Variants in VPS26A observed in about 807,000 individuals in gnomAD.
VPS26A encodes vacuolar protein sorting-associated protein 26A.
VPS26A carries 22 observed loss-of-function variants against 42.4 expected under a neutral mutation model. The ratio of observed to expected loss-of-function variants is 0.52; its 90% CI spans 0.37 to 0.74. The LOEUF (loss-of-function observed/expected upper bound fraction) is 0.74, where lower values mean the gene tolerates loss of function less well. Among genes scored for constraint, VPS26A ranks in the 30% least tolerant of loss-of-function variants. The pLI is 0.00. For synonymous variants in VPS26A, 110 were observed against 123.5 expected (o/e 0.89, Z 0.73); for missense variants, 276 against 379.2 (o/e 0.73, Z 2.26).
chr10:69,152,796 C>T (rs1038106237), intron 2 of VPS26A, among the ~76,000 whole-genome samples: 1 of 151,754 alleles, frequency 6.6e-6, no homozygotes, highest in South Asian at 2.1e-4. Flanking sequence ...GGTGAAACCC[C>T]GTCTGTACTA....
At chr10:69,133,586 T>C (rs1447825832) in intron 2 of VPS26A, 8 of 1,289,742 alleles carry the variant, frequency 6.2e-6, no homozygotes, top group South Asian at 2.5e-5. Context: ...TGGTCAGATA[T>C]GTTTATGACG....
chr10:69,153,519 T>TC (rs1244458581), intron 2 of VPS26A, among the ~76,000 whole-genome samples: 1 of 151,334 alleles, frequency 6.6e-6, no homozygotes, highest in Non-Finnish European at 1.5e-5. Context: ...CTAATTTTTT[T>TC]TTTTTTTTTT....
intron 7 of VPS26A, among the ~76,000 whole-genome samples, chr10:69,166,314 C>T (rs1841686310): frequency 6.6e-6 from 1 of 152,160 alleles, no homozygotes; most frequent in Non-Finnish European, 1.5e-5. Context: ...TTTTCAGTTT[C>T]AATTTAGGAT....
intron 8 of VPS26A, 90 bp downstream of exon 8, chr10:69,168,721 G>A: frequency 6.8e-7 from 1 of 1,474,886 alleles, no homozygotes; most frequent in Admixed American, 2.4e-5. Flanking sequence ...TACTGAGCGA[G>A]TGGGAGTTTC....
At chr10:69,170,422 G>A in intron 8 of VPS26A, 1 of 145,316 alleles carries the variant, frequency 6.9e-6, no homozygotes. Flanking sequence ...ATTCTGATAT[G>A]TTGGGGAAAA....
chr10:69,128,481 C>T (rs934477384), intron 1 of VPS26A, among the ~76,000 whole-genome samples: 27 of 152,078 alleles, frequency 1.8e-4, no homozygotes, highest in African/African-American at 5.8e-4. Context: ...CCTCCTGCTT[C>T]GGCCTCCCAA....
rs566541314 is a variant in VPS26A, at chr10:69,173,854, G to A, written c.*2585G>A. 3.3e-4 allele frequency among the ~76,000 whole-genome samples: 51 copies of A among 152,240 alleles called. No individual in the cohort carries two copies. Among genetic ancestry groups the A allele is most frequent in the Admixed American group, 2.7e-3 (41 of 15,292 alleles). On this transcript the variant is annotated 3_prime_UTR_variant, in exon 9 of 9. Transcript: ENST00000263559. ...CATCTCTACCAAAAATGCATTAGTC[G>A]GGCGTGGTGGCACATGCCTGTAATC...
At position 69,172,638 on chromosome 10, in the gene VPS26A, A is replaced by G. The variant is rs191317281; in HGVS notation, c.*1369A>G. 6.6e-6 allele frequency: 1 copy of G among 152,436 alleles called. No homozygotes were observed. Among genetic ancestry groups the G allele is most frequent in the African/African-American group, 2.4e-5 (1 of 41,278 alleles). 9.4% of individuals were successfully genotyped at this position (152,436 alleles called of 1,614,324 possible). ...CTGGCAAAAGGGTCCATGTACCACCATGTGCTGGAGCATCTGTTCTACATG... is the reference window on the plus strand; with the variant it reads ...CTGGCAAAAGGGTCCATGTACCACCGTGTGCTGGAGCATCTGTTCTACATG... On this transcript the variant is annotated 3_prime_UTR_variant, in exon 9 of 9. Coordinates refer to ENST00000263559, the MANE Select transcript of VPS26A (RefSeq NM_004896.5).
intron 2 of VPS26A, 113 bp downstream of exon 2, chr10:69,133,160 T>C (rs1401954861): frequency 1.8e-6 from 2 of 1,139,694 alleles, no homozygotes; most frequent in African/African-American, 1.6e-5. Context: ...AGAGATTTTT[T>C]TTTCCCTAAA....
At chr10:69,134,574 A>G (rs1424499577) in intron 2 of VPS26A, among the ~76,000 whole-genome samples, 1 of 152,050 alleles carries the variant, frequency 6.6e-6, no homozygotes, top group East Asian at 1.9e-4. Context: ...AATCTTTGCT[A>G]TTTTGGTAGG....
intron 1 of VPS26A, among the ~76,000 whole-genome samples, chr10:69,130,830 G>A (rs1382095332): frequency 6.6e-6 from 1 of 152,140 alleles, no homozygotes; most frequent in Non-Finnish European, 1.5e-5. Context: ...AACATTATGT[G>A]TATGAGATTC....
At chr10:69,128,431 CG>C in intron 1 of VPS26A, among the ~76,000 whole-genome samples, 1 of 151,630 alleles carries the variant, frequency 6.6e-6, no homozygotes, top group Admixed American at 6.6e-5. Flanking sequence ...GGGGTTTCAC[CG>C]TGTTAGTCAG....
At chr10:69,140,775 A>T (rs7092065) in intron 2 of VPS26A, among the ~76,000 whole-genome samples, 1 of 152,062 alleles carries the variant, frequency 6.6e-6, no homozygotes, top group African/African-American at 2.4e-5. Context: ...TGAGTGTTCT[A>T]ATATTATTGG....
intron 2 of VPS26A, chr10:69,133,736 G>C (rs1840844984): frequency 1.8e-6 from 1 of 548,680 alleles, no homozygotes; most frequent in Admixed American, 2.8e-5. Flanking sequence ...AAGCTGGAGT[G>C]CAGTGGTGTG....
chr10:69,160,900 A>G (rs1841547369), intron 5 of VPS26A, among the ~76,000 whole-genome samples: 1 of 152,220 alleles, frequency 6.6e-6, no homozygotes, highest in Non-Finnish European at 1.5e-5. Flanking sequence ...CTATCACAAC[A>G]GCAGACTCAA....
At chr10:69,170,471 A>T (rs938108108) in intron 8 of VPS26A, 5 of 152,134 alleles carry the variant, frequency 3.3e-5, no homozygotes, top group Non-Finnish European at 7.3e-5. Context: ...AAATAATTTT[A>T]GGAATTTAGA....
At chr10:69,158,353 T>G in intron 5 of VPS26A, 142 bp downstream of exon 5, 1 of 733,778 alleles carries the variant, frequency 1.4e-6, no homozygotes, top group Non-Finnish European at 2.0e-6. Flanking sequence ...TAAAAGAAAT[T>G]TTAGGAGTTT....
rs940321911 is a variant in VPS26A at position 69,173,101 on chromosome 10, C to G, written c.*1832C>G. ...TGCTCAAGACTTTTTGTAGCATAAC[C>G]AATTTGAAAAAAATTCAAATTTAAT... On this transcript the variant is annotated 3_prime_UTR_variant, in exon 9 of 9. Transcript: ENST00000263559. Among the ~76,000 whole-genome samples, 1 of 151,986 alleles carries G rather than the reference C, an allele frequency of 6.6e-6. No individual in the cohort carries two copies. The highest frequency in any genetic ancestry group is 1.5e-5 in the Non-Finnish European group (1 of 67,994).
chr10:69,159,366 G>A (rs1227189686), intron 5 of VPS26A, among the ~76,000 whole-genome samples: 2 of 151,466 alleles, frequency 1.3e-5, no homozygotes, highest in East Asian at 3.9e-4. Flanking sequence ...GGGTGACAGA[G>A]GGAGACTCCA....
Sources: gnomAD v4.1 joint callset for allele counts (sites outside exome capture counted in the v4.1 genomes callset) on GRCh38, gnomAD v4.1.1 for gene constraint, MANE v1.5 for transcripts, NCBI Gene and HGNC (gene_info 2026-07-23, HGNC 2026-07-21) for gene names.